The following TAF12 variants were observed in gnomAD, a reference collection of about 807,000 sequenced individuals.
TAF12 encodes the protein transcription initiation factor TFIID subunit 12.
In TAF12, 3 loss-of-function variants were observed where a neutral mutation model predicts 20.8. The ratio of observed to expected loss-of-function variants is 0.14; its 90% CI spans 0.07 to 0.37. TAF12 has a LOEUF of 0.37. TAF12 is among the 10% of genes least tolerant of loss of function. The probability of loss-of-function intolerance (pLI) is 1.00; values close to 1 mark genes in which losing one functional copy is unlikely to be tolerated. For missense variants in TAF12, 131 were observed against 197.9 expected (o/e 0.66, Z 2.03); for synonymous variants, 69 against 70.2 (o/e 0.98, Z 0.09).
intron 1 of TAF12, among the ~76,000 whole-genome samples, chr1:28,638,542 G>A (rs1557475487): frequency 6.7e-6 from 1 of 148,858 alleles, no homozygotes; most frequent in Non-Finnish European, 1.5e-5. Context: ...CCAGGCTGGA[G>A]TGGCGCAATA....
At chr1:28,615,445 G>A (rs775548096) in intron 3 of TAF12, among the ~76,000 whole-genome samples, 3 of 151,860 alleles carry the variant, frequency 2.0e-5, no homozygotes, top group Non-Finnish European at 2.9e-5. Flanking sequence ...TTGGGAGGCC[G>A]AAGTGGGTGG....
upstream of TAF12, among the ~76,000 whole-genome samples, chr1:28,645,859 T>G (rs1668171964): frequency 6.6e-6 from 1 of 151,568 alleles, no homozygotes. Context: ...CCCAAGCTAC[T>G]CAGGAGGCTG....
chr1:28,643,595 C>T (rs980485340), upstream of TAF12: 2 of 152,210 alleles, frequency 1.3e-5, no homozygotes, highest in African/African-American at 2.4e-5. Flanking sequence ...TGCTAATCCG[C>T]TTACCTCCGT....
intron 4 of TAF12, among the ~76,000 whole-genome samples, chr1:28,611,449 A>T (rs1666857842): frequency 6.6e-6 from 1 of 152,106 alleles, no homozygotes; most frequent in Non-Finnish European, 1.5e-5. Flanking sequence ...GGAAATAGGG[A>T]TGTTGCAGAT....
At chr1:28,617,241 C>T (rs377649743) in intron 3 of TAF12, among the ~76,000 whole-genome samples, 1 of 152,216 alleles carries the variant, frequency 6.6e-6, no homozygotes. Flanking sequence ...TGCCTGTGAG[C>T]AACAGACTAT....
intron 1 of TAF12, among the ~76,000 whole-genome samples, chr1:28,635,747 G>A (rs1043228355): frequency 2.6e-5 from 4 of 151,744 alleles, no homozygotes; most frequent in Non-Finnish European, 5.9e-5. Flanking sequence ...TCATAGGGTA[G>A]GAATTAAGGA....
At chr1:28,643,083 A>T (rs557252484), upstream of TAF12, 2 of 985,756 alleles carry the variant, frequency 2.0e-6, no homozygotes, top group South Asian at 4.7e-5. Context: ...GCCCTCCCCG[A>T]CTACTTCCGG....
chr1:28,645,342 T>C (rs573104889), upstream of TAF12, among the ~76,000 whole-genome samples: 23 of 149,854 alleles, frequency 1.5e-4, no homozygotes, highest in African/African-American at 5.4e-4. Context: ...GCCTCTTCTT[T>C]TTTTTTTTTT....
chr1:28,607,304 G>A (rs1666697682), intron 4 of TAF12, among the ~76,000 whole-genome samples: 1 of 152,332 alleles, frequency 6.6e-6, no homozygotes, highest in Non-Finnish European at 1.5e-5. Context: ...GGCCAAGACG[G>A]GAAGACTGCT....
intron 1 of TAF12, among the ~76,000 whole-genome samples, chr1:28,630,006 C>A (rs1434321241): frequency 2.6e-5 from 4 of 152,122 alleles, no homozygotes; most frequent in Non-Finnish European, 5.9e-5. Context: ...GTGGTGCAAT[C>A]AGAGCTCACT....
intron 1 of TAF12, among the ~76,000 whole-genome samples, chr1:28,629,403 T>C (rs1667544118): frequency 6.6e-6 from 1 of 152,054 alleles, no homozygotes. Flanking sequence ...TGGCCATGAT[T>C]TTGGCTCACT....
upstream of TAF12, among the ~76,000 whole-genome samples, chr1:28,647,286 T>A (rs1443201852): frequency 6.6e-6 from 1 of 151,658 alleles, no homozygotes; most frequent in Non-Finnish European, 1.5e-5. Flanking sequence ...TGTCACATAT[T>A]GTTTTTTTTT....
At chr1:28,629,594 C>T (rs1216253020) in intron 1 of TAF12, among the ~76,000 whole-genome samples, 2 of 152,134 alleles carry the variant, frequency 1.3e-5, no homozygotes, top group Non-Finnish European at 2.9e-5. Context: ...CCTCGGCCTC[C>T]CATAGTGCTG....
chr1:28,613,459 G>A, intron 3 of TAF12, 98 bp from the exon 4 acceptor site: 1 of 991,624 alleles, frequency 1.0e-6, no homozygotes, highest in Non-Finnish European at 1.5e-6. Flanking sequence ...TATTTAGTCA[G>A]GCATTCTAGT....
rs944789443 is a variant in TAF12, at chr1:28,633,411, A to C, written c.-85+9581T>G. 5.5e-4 allele frequency among the ~76,000 whole-genome samples: 82 copies of C among 147,926 alleles called. No homozygotes were observed. In the East Asian group the frequency reaches 0.011, roughly 21 times the overall value. On this transcript the variant is annotated intron_variant, in intron 1 of 5. Transcript: ENST00000373824. The stretch of plus-strand genomic sequence containing the variant: ...TTGAATTCCCGACCTCAGGTGATCC[A>C]CCCGCCTCAGCCTCCCAAAGTGCTG...
chr1:28,617,488 G>A (rs575093657), intron 3 of TAF12, among the ~76,000 whole-genome samples: 2 of 148,042 alleles, frequency 1.4e-5, no homozygotes, highest in South Asian at 2.1e-4. Context: ...TTGCTCTGTC[G>A]CCTAGGCTGG....
chr1:28,638,874 C>G (rs980498754), intron 1 of TAF12, among the ~76,000 whole-genome samples: 19 of 148,942 alleles, frequency 1.3e-4, no homozygotes, highest in Non-Finnish European at 2.1e-4. Context: ...TCACTGCAAG[C>G]TCCACCTCCC....
chr1:28,619,994 C>T (rs1667161457), intron 2 of TAF12, among the ~76,000 whole-genome samples: 2 of 150,530 alleles, frequency 1.3e-5, no homozygotes, highest in Admixed American at 1.3e-4. Context: ...AAAAGAAAAA[C>T]ACCAAAAGAC....
intron 1 of TAF12, among the ~76,000 whole-genome samples, chr1:28,637,985 T>A (rs554672215): frequency 2.0e-4 from 31 of 152,134 alleles, no homozygotes; most frequent in African/African-American, 7.0e-4. Context: ...ACCCCATTCC[T>A]ATTTTTTGTT....
Sources: allele counts gnomAD v4.1 joint callset (sites outside exome capture counted in the v4.1 genomes callset), GRCh38; gene constraint gnomAD v4.1.1; transcripts MANE v1.5; gene names NCBI Gene and HGNC (gene_info 2026-07-23, HGNC 2026-07-21).